Variants in GAS7 observed in about 807,000 individuals in gnomAD.
The protein encoded by GAS7 is growth arrest specific 7.
Under a neutral mutation model 71.1 loss-of-function variants are expected in GAS7, and 28 were observed. The ratio of observed to expected loss-of-function variants is 0.39; its 90% confidence interval spans 0.29 to 0.54. GAS7 has a LOEUF of 0.54. Ranked by LOEUF, GAS7 falls within the 20% of genes least tolerant of loss-of-function variation. GAS7 has a pLI of 0.62. For synonymous variants in GAS7, 258 were observed against 245.8 expected (o/e 1.05, Z -0.46); for missense variants, 436 against 627.8 (o/e 0.69, Z 3.27).
rs144099530 is a variant in GAS7, at chr17:10,181,556, C to G, written c.183+16652G>C. ...AGGTAGTTCCATGTGGTTCTGATAACATCATGCACGTGAATAAATAGCTAA... is the reference window on the plus strand; with the variant it reads ...AGGTAGTTCCATGTGGTTCTGATAAGATCATGCACGTGAATAAATAGCTAA... On this transcript the variant is annotated intron_variant, in intron 1 of 13. Coordinates refer to ENST00000432992, the MANE Select transcript of GAS7 (RefSeq NM_201433.2). Among the ~76,000 whole-genome samples the G allele has an allele frequency of 6.9e-4, 105 of 152,148 alleles. 1 individual carries two copies. Among genetic ancestry groups the G allele is most frequent in the African/African-American group, 2.5e-3 (103 of 41,522 alleles).
chr17:10,165,291 CAAAAA>C (rs71365731), intron 1 of GAS7, among the ~76,000 whole-genome samples: 5 of 77,650 alleles, frequency 6.4e-5, no homozygotes, highest in South Asian at 9.4e-4. Flanking sequence ...GATTCCTTCT[CAAAAA>C]AAAAAAAAAA....
intron 2 of GAS7, among the ~76,000 whole-genome samples, chr17:9,986,490 T>C (rs1176233317): frequency 1.3e-5 from 2 of 151,978 alleles, no homozygotes; most frequent in Non-Finnish European, 2.9e-5. Context: ...AAGCTGCTGG[T>C]CCCCGTTCCT....
chr17:10,008,598 G>A (rs556376909), intron 2 of GAS7, among the ~76,000 whole-genome samples: 3 of 152,118 alleles, frequency 2.0e-5, no homozygotes, highest in African/African-American at 4.8e-5. Context: ...TGTTATGCAC[G>A]TAAGTATTAC....
Position 9,916,789 on chromosome 17 carries a change from T to C in GAS7, c.*439A>G, listed in dbSNP as rs1378674462. On this transcript the variant is annotated 3_prime_UTR_variant, in exon 14 of 14. Transcript: ENST00000432992. ...TGAGCTGAATGGCACCTTCTACCCATGATTCTGATCCTGACACCTGGCTTA... is the reference window on the plus strand; with the variant it reads ...TGAGCTGAATGGCACCTTCTACCCACGATTCTGATCCTGACACCTGGCTTA... 8 of 401,820 alleles carry C rather than the reference T, an allele frequency of 2.0e-5. No individual in the cohort carries two copies. The highest frequency in any genetic ancestry group is 3.5e-5 in the East Asian group (1 of 28,342). 24.9% of individuals were successfully genotyped at this position (401,820 alleles called of 1,614,324 possible). A position where few individuals can be genotyped will look rare whatever the true frequency, so the allele number is the denominator to read the frequency against.
At position 9,959,103 on chromosome 17, in the gene GAS7, C is replaced by T; in HGVS notation, c.525+99G>A. 2 of 1,413,410 alleles carry T rather than the reference C, an allele frequency of 1.4e-6. No homozygotes were observed. Among genetic ancestry groups the T allele is most frequent in the South Asian group, 1.4e-5 (1 of 72,478 alleles). 87.6% of individuals were successfully genotyped at this position (1,413,410 alleles called of 1,614,324 possible). On this transcript the variant is annotated intron_variant, in intron 5 of 13. Coordinates refer to ENST00000432992, the MANE Select transcript of GAS7 (RefSeq NM_201433.2). This position sits in a 1 kb window ranked among gnomAD's most constrained non-coding sequence, Gnocchi z 5.0. ...GGAACTTCCCCGTTTCCAGGTTGGGCATCACTTCTGCTTGGCGGTCCACAT... is the reference window on the plus strand; with the variant it reads ...GGAACTTCCCCGTTTCCAGGTTGGGTATCACTTCTGCTTGGCGGTCCACAT...
chr17:10,195,894 T>C (rs2074536870), intron 1 of GAS7, among the ~76,000 whole-genome samples: 1 of 152,136 alleles, frequency 6.6e-6, no homozygotes. Context: ...GCCCCCCTGT[T>C]GAAACTGCAT....
intron 1 of GAS7, among the ~76,000 whole-genome samples, chr17:10,158,348 A>AC (rs373784257): frequency 0.051 from 7,442 of 146,208 alleles, 260 homozygotes; most frequent in South Asian, 0.1. Flanking sequence ...AAAAAAAAAA[A>AC]AAAAAAAAAA....
chr17:10,104,092 C>T (rs77436029), intron 1 of GAS7, among the ~76,000 whole-genome samples: 3,060 of 152,208 alleles, frequency 0.02, 92 homozygotes, highest in African/African-American at 0.068. Flanking sequence ...TTTCCTTCTC[C>T]TAACAGAAAA....
chr17:10,091,043 C>A (rs903717953), intron 1 of GAS7, among the ~76,000 whole-genome samples: 3 of 152,154 alleles, frequency 2.0e-5, no homozygotes, highest in African/African-American at 7.2e-5. Flanking sequence ...CTCTCCTCCA[C>A]CCCTACCAAG....
chr17:10,059,562 C>A, intron 1 of GAS7: 2 of 318,776 alleles, frequency 6.3e-6, no homozygotes, highest in Non-Finnish European at 9.1e-6. Flanking sequence ...CAAACCCTAG[C>A]CAAGCAAGAG....
At chr17:10,088,569 T>C (rs1222461797) in intron 1 of GAS7, among the ~76,000 whole-genome samples, 3 of 152,152 alleles carry the variant, frequency 2.0e-5, no homozygotes, top group Non-Finnish European at 4.4e-5. Flanking sequence ...TTGCCAAGCA[T>C]CTTTTTACGA....
At chr17:10,066,054 A>T (rs544853517) in intron 1 of GAS7, among the ~76,000 whole-genome samples, 1 of 152,260 alleles carries the variant, frequency 6.6e-6, no homozygotes, top group African/African-American at 2.4e-5. Flanking sequence ...AGATGAAGGG[A>T]ATTACAGTAT....
At chr17:10,080,197 G>T (rs996731792) in intron 1 of GAS7, among the ~76,000 whole-genome samples, 1 of 152,060 alleles carries the variant, frequency 6.6e-6, no homozygotes, top group Non-Finnish European at 1.5e-5. Flanking sequence ...GGTCATCCTC[G>T]CTGCTCATTA....
At chr17:9,986,732 A>G (rs2070664376) in intron 2 of GAS7, among the ~76,000 whole-genome samples, 1 of 152,160 alleles carries the variant, frequency 6.6e-6, no homozygotes, top group Non-Finnish European at 1.5e-5. Context: ...CTCCGTAAGT[A>G]CCATATCCCT....
chr17:9,942,115 G>A (rs144755606), intron 7 of GAS7, among the ~76,000 whole-genome samples: 2,013 of 152,096 alleles, frequency 0.013, 17 homozygotes, highest in Middle Eastern at 0.048. Context: ...TTAGCTGGGC[G>A]TGGTGGTACA....
intron 5 of GAS7, among the ~76,000 whole-genome samples, chr17:9,956,949 G>C (rs1217557224): frequency 6.6e-6 from 1 of 152,178 alleles, no homozygotes; most frequent in African/African-American, 2.4e-5. Flanking sequence ...TGGGAGAGCG[G>C]TGTTGTGTGG....
intron 1 of GAS7, among the ~76,000 whole-genome samples, chr17:10,089,534 G>C (rs1418890878): frequency 6.7e-6 from 1 of 148,282 alleles, no homozygotes; most frequent in Non-Finnish European, 1.5e-5. Context: ...AAAAAAAAAA[G>C]TATTTAAAGA....
rs532465366 is a variant in GAS7 at position 9,930,345 on chromosome 17, C to T, written c.886-3576G>A. 1.2e-3 allele frequency among the ~76,000 whole-genome samples: 181 copies of T among 152,280 alleles called. 1 individual carries two copies. The highest frequency in any genetic ancestry group is 4.3e-3 in the African/African-American group (177 of 41,558). On this transcript the variant is annotated intron_variant, in intron 9 of 13. Transcript: ENST00000432992. ...CTGATCTGGTCTGAATTCTTCATTTCATATGTGAAGAAATGAAACCCCAGG... is the reference window on the plus strand; with the variant it reads ...CTGATCTGGTCTGAATTCTTCATTTTATATGTGAAGAAATGAAACCCCAGG...
chr17:10,132,422 C>T (rs766741759), intron 1 of GAS7, among the ~76,000 whole-genome samples: 15 of 152,152 alleles, frequency 9.9e-5, no homozygotes, highest in Non-Finnish European at 1.8e-4. Context: ...GGCCTGACTC[C>T]GTCTCCATGT....
Sources: gnomAD v4.1 joint callset for allele counts (sites outside exome capture counted in the v4.1 genomes callset) on GRCh38, gnomAD v4.1.1 for gene constraint, Gnocchi (gnomAD v3.1) non-coding constraint, MANE v1.5 for transcripts, NCBI Gene and HGNC (gene_info 2026-07-23, HGNC 2026-07-21) for gene names.